Variants in DPYD observed in about 807,000 individuals in gnomAD.
The protein encoded by DPYD is dihydropyrimidine dehydrogenase [NADP(+)].
A neutral mutation model predicts 116.2 loss-of-function variants in DPYD; 109 were observed. The observed-to-expected ratio is 0.94, with a 90% CI of 0.80 to 1.10. DPYD has a LOEUF of 1.10. Among genes scored for constraint, DPYD ranks in the 50% least tolerant of loss-of-function variants. The pLI is 0.00. For synonymous variants in DPYD, 440 were observed against 432.0 expected, an observed-to-expected ratio of 1.02 and a Z score of -0.23; for missense variants, 1,302 against 1,254.5, an observed-to-expected ratio of 1.04 and a Z score of -0.57.
chr1:97,527,301 T>A (rs1266431004), intron 12 of DPYD, among the ~76,000 whole-genome samples: 1 of 152,034 alleles, frequency 6.6e-6, no homozygotes, highest in East Asian at 1.9e-4. Context: ...ATGGTCTTGA[T>A]TTCCTGACCT....
At chr1:97,409,215 T>C (rs1432637280) in intron 14 of DPYD, among the ~76,000 whole-genome samples, 1 of 152,176 alleles carries the variant, frequency 6.6e-6, no homozygotes. Context: ...AGATTTTAAA[T>C]TCCCCAAATA....
chr1:97,894,449 T>C (rs1414482312), intron 1 of DPYD, among the ~76,000 whole-genome samples: 2 of 151,914 alleles, frequency 1.3e-5, no homozygotes, highest in African/African-American at 4.8e-5. Context: ...CTATTAATAT[T>C]GGGCATCAAC....
chr1:97,920,783 A>C (rs1571588348), intron 1 of DPYD, 101 bp downstream of exon 1: 2 of 1,474,294 alleles, frequency 1.4e-6, no homozygotes, highest in South Asian at 1.2e-5. Context: ...CGCGTCTCTC[A>C]CTCTCCGGGG....
intron 16 of DPYD, among the ~76,000 whole-genome samples, chr1:97,350,985 G>T (rs1185518028): frequency 1.3e-5 from 2 of 152,146 alleles, no homozygotes; most frequent in African/African-American, 2.4e-5. Context: ...GCTACAGGAA[G>T]TCGTGGCCTT....
At chr1:97,275,200 G>A (rs1664858353) in intron 18 of DPYD, among the ~76,000 whole-genome samples, 1 of 152,142 alleles carries the variant, frequency 6.6e-6, no homozygotes, top group African/African-American at 2.4e-5. Flanking sequence ...ATCATCCAGA[G>A]CATGGAATAC....
chr1:97,766,351 T>C lies in DPYD; in HGVS notation c.234-25872A>G, dbSNP rs961153235. ...AAGTTTTTAGATATTATATTCAGAA[T>C]GTCAGTTGGTTTTATTGCATGTGAT... On this transcript the variant is annotated intron_variant, in intron 3 of 22. Coordinates refer to ENST00000370192, the MANE Select transcript of DPYD (RefSeq NM_000110.4). 2.0e-5 allele frequency among the ~76,000 whole-genome samples: 3 copies of C among 152,148 alleles called. No homozygotes were observed. The East Asian group carries it at 5.8e-4, about 29-fold the overall frequency.
intron 8 of DPYD, among the ~76,000 whole-genome samples, chr1:97,655,735 C>A (rs776443932): frequency 6.6e-6 from 1 of 152,120 alleles, no homozygotes; most frequent in African/African-American, 2.4e-5. Context: ...CCACCCCGCC[C>A]CAACCAAGGG....
At chr1:97,508,325 T>A (rs566782023) in intron 13 of DPYD, among the ~76,000 whole-genome samples, 2 of 152,000 alleles carry the variant, frequency 1.3e-5, no homozygotes, top group East Asian at 3.9e-4. Context: ...GAGAAGAGCA[T>A]TCCAGGCAGA....
At chr1:97,557,839 C>A (rs1214375743) in intron 11 of DPYD, among the ~76,000 whole-genome samples, 1 of 152,186 alleles carries the variant, frequency 6.6e-6, no homozygotes, top group African/African-American at 2.4e-5. Flanking sequence ...TAGTACATGG[C>A]AGGCATACTG....
intron 19 of DPYD, among the ~76,000 whole-genome samples, chr1:97,215,737 G>A (rs1265241473): frequency 6.6e-6 from 1 of 152,090 alleles, no homozygotes; most frequent in African/African-American, 2.4e-5. Flanking sequence ...AAACAGGCAC[G>A]CCCATGCTTA....
chr1:97,182,605 G>A (rs1334890905), intron 20 of DPYD, among the ~76,000 whole-genome samples: 3 of 152,030 alleles, frequency 2.0e-5, no homozygotes, highest in African/African-American at 7.2e-5. Flanking sequence ...GCAGTCCCAG[G>A]GAGAATAACT....
intron 14 of DPYD, among the ~76,000 whole-genome samples, chr1:97,409,156 T>C (rs1218434005): frequency 6.6e-6 from 1 of 152,174 alleles, no homozygotes; most frequent in Non-Finnish European, 1.5e-5. Flanking sequence ...ACTAATACAA[T>C]ACATATAAGC....
chr1:97,309,364 TGA>T (rs56110467), intron 16 of DPYD, among the ~76,000 whole-genome samples: 14 of 147,850 alleles, frequency 9.5e-5, no homozygotes, highest in Admixed American at 9.0e-4. Context: ...TGTGTGTGTG[TGA>T]GCATGTTCTT....
chr1:97,813,866 G>A (rs1668443348), intron 3 of DPYD, among the ~76,000 whole-genome samples: 1 of 150,904 alleles, frequency 6.6e-6, no homozygotes, highest in African/African-American at 2.4e-5. Flanking sequence ...TGTGCATAAA[G>A]TGTACTGACA....
intron 21 of DPYD, among the ~76,000 whole-genome samples, chr1:97,085,177 T>TA (rs1649427363): frequency 6.6e-6 from 1 of 152,184 alleles, no homozygotes; most frequent in Non-Finnish European, 1.5e-5. Context: ...ATCTAGTAAA[T>TA]AAATCAACCC....
At chr1:97,871,605 T>C (rs370528375) in intron 2 of DPYD, among the ~76,000 whole-genome samples, 3 of 146,628 alleles carry the variant, frequency 2.0e-5, no homozygotes, top group Non-Finnish European at 4.5e-5. Flanking sequence ...AAAAAAAAAA[T>C]CACAGAAAAA....
At chr1:97,177,523 C>T (rs1006556761) in intron 20 of DPYD, among the ~76,000 whole-genome samples, 9 of 150,828 alleles carry the variant, frequency 6.0e-5, no homozygotes, top group Non-Finnish European at 1.3e-4. Context: ...TTTCTAGAAC[C>T]TGAACTGTGA....
intron 12 of DPYD, among the ~76,000 whole-genome samples, chr1:97,540,967 G>A (rs1425166649): frequency 1.3e-5 from 2 of 152,150 alleles, no homozygotes; most frequent in East Asian, 1.9e-4. Context: ...AGTAACATTG[G>A]ATATTAATTC....
chr1:97,398,468 G>A (rs1673144844), intron 14 of DPYD, among the ~76,000 whole-genome samples: 3 of 152,104 alleles, frequency 2.0e-5, no homozygotes, highest in Non-Finnish European at 4.4e-5. Flanking sequence ...ACTCAGTAAT[G>A]GGATCACTAG....
Sources: gnomAD v4.1 joint callset for allele counts (sites outside exome capture counted in the v4.1 genomes callset) on GRCh38, gnomAD v4.1.1 for gene constraint, MANE v1.5 for transcripts, NCBI Gene and HGNC (gene_info 2026-07-23, HGNC 2026-07-21) for gene names.